Variants in MFN2 observed in about 807,000 individuals in gnomAD.
The protein encoded by MFN2 is mitofusin-2.
MFN2 carries 43 observed loss-of-function variants against 87.5 expected under a neutral mutation model. That is an observed-to-expected ratio of 0.49 (90% CI 0.38 to 0.63). MFN2 has a LOEUF of 0.63. Among genes scored for constraint, MFN2 ranks in the 30% least tolerant of loss-of-function variants. The probability of loss-of-function intolerance (pLI) is 0.00; values close to 1 mark genes in which losing one functional copy is unlikely to be tolerated. For synonymous variants in MFN2, 337 were observed against 359.9 expected (o/e 0.94, Z 0.72); for missense variants, 743 against 972.8 (o/e 0.76, Z 3.14).
intron 2 of MFN2, among the ~76,000 whole-genome samples, chr1:11,986,992 G>A (rs1638439160): frequency 6.6e-6 from 1 of 152,202 alleles, no homozygotes; most frequent in Non-Finnish European, 1.5e-5. Context: ...GTGAGAGCAA[G>A]AGAGACAGTC....
At chr1:12,009,535 C>A in intron 17 of MFN2, 57 bp from the exon 18 acceptor site, 1 of 1,613,152 alleles carries the variant, frequency 6.2e-7, no homozygotes, top group Non-Finnish European at 8.5e-7. Context: ...TGGGCTAAGC[C>A]ACCAGTGGCA....
At position 12,003,110 on chromosome 1, in the gene MFN2, C is replaced by G. The variant is rs966991148; in HGVS notation, c.1161-882C>G. The stretch of plus-strand genomic sequence containing the variant: ...TTTTTTTTTGCTATTGGAAACCCTA[C>G]TGCAGTGGACATTTGTTCATGTGTC... On this transcript the variant is annotated intron_variant, in intron 11 of 18. Transcript: ENST00000235329. This position sits in a 1 kb window ranked among gnomAD's most constrained non-coding sequence, Gnocchi z 4.1. Among the ~76,000 whole-genome samples the G allele has an allele frequency of 4.6e-5, 7 of 152,112 alleles. No individual in the cohort carries two copies. Among genetic ancestry groups the G allele is most frequent in the African/African-American group, 2.4e-5 (1 of 41,434 alleles).
chr1:11,980,874 G>C (rs150836931), intron 1 of MFN2, among the ~76,000 whole-genome samples: 1 of 152,296 alleles, frequency 6.6e-6, no homozygotes, highest in African/African-American at 2.4e-5. Flanking sequence ...CTGCCTTCTC[G>C]TTCAGCCCTG....
chr1:12,011,356 C>A, intron 18 of MFN2, 140 bp from the exon 19 acceptor site: 1 of 897,002 alleles, frequency 1.1e-6, no homozygotes, highest in Non-Finnish European at 1.8e-6. Context: ...TTTTCCCCAT[C>A]TGTGAGACAG....
intron 2 of MFN2, among the ~76,000 whole-genome samples, chr1:11,987,623 C>G (rs556737726): frequency 1.1e-5 from 1 of 88,874 alleles, no homozygotes; most frequent in East Asian, 3.6e-4. Context: ...GAGCAAGACT[C>G]TGTCTCAGAA....
rs766998571 is a variant in MFN2, at chr1:12,004,084, G to A, written c.1253G>A (p.Arg418Gln). The stretch of plus-strand genomic sequence containing the variant: ...CTCTTGGCTCAAGACTATAAGCTGC[G>A]AATTAAGCAGATTACGGAGGAAGTG... ...LELLAQDYKLRIKQITEEVER... is the reference protein window; with the variant it reads ...LELLAQDYKLQIKQITEEVER... The change falls in exon 12 of 19, where the codon CGA (arginine) becomes CAA (glutamine). Residue 418 changes from arginine (R) to glutamine (Q), a missense_variant. Transcript: ENST00000235329. The surrounding 1 kb of genome is among the most constrained non-coding windows in gnomAD (Gnocchi z 4.2). 6.2e-6 allele frequency: 10 copies of A among 1,614,166 alleles called. No homozygotes were observed. The highest frequency in any genetic ancestry group is 2.2e-5 in the East Asian group (1 of 44,886).
At chr1:12,008,337 G>A (rs1310546274) in intron 17 of MFN2, among the ~76,000 whole-genome samples, 7 of 151,564 alleles carry the variant, frequency 4.6e-5, no homozygotes, top group East Asian at 2.0e-4. Context: ...GGGCAGAGGC[G>A]CCCCCCACCT....
chr1:11,989,773 C>A (rs976946527), intron 3 of MFN2, among the ~76,000 whole-genome samples: 1 of 152,162 alleles, frequency 6.6e-6, no homozygotes, highest in Non-Finnish European at 1.5e-5. Flanking sequence ...TGATCCCTGA[C>A]CAGGGCGCCC....
At chr1:12,002,143 G>A (rs370698596) in intron 11 of MFN2, 40 bp downstream of exon 11, 32 of 1,613,716 alleles carry the variant, frequency 2.0e-5, no homozygotes, top group Middle Eastern at 1.6e-4. Flanking sequence ...GAGAGCTGCC[G>A]AGACAAGGGT....
rs138345244 is a variant in MFN2 at position 11,992,558 on chromosome 1, C to T, written c.179C>T (p.Thr60Met). ...CATTTTCAATCCCCACCTCCAGACA[C>T]GTACAGGAATGCAGAACTGGACCCC... is the stretch of plus-strand genomic sequence containing the variant. Reference protein sequence around the residue: ...IQESATFLEDTYRNAELDPVT... With the variant: ...IQESATFLEDMYRNAELDPVT... The change falls in exon 4 of 19, where the codon ACG (threonine) becomes ATG (methionine). Residue 60 changes from threonine to methionine, a missense_variant. Coordinates refer to ENST00000235329, the MANE Select transcript of MFN2 (RefSeq NM_014874.4). The T allele has an allele frequency of 6.0e-5, 97 of 1,614,150 alleles. No individual in the cohort carries two copies. Among genetic ancestry groups the T allele is most frequent in the Non-Finnish European group, 7.0e-5 (83 of 1,180,032 alleles).
chr1:11,993,560 C>A (rs1023316289), intron 4 of MFN2, among the ~76,000 whole-genome samples: 2 of 151,890 alleles, frequency 1.3e-5, no homozygotes, highest in African/African-American at 4.8e-5. Flanking sequence ...ACAGTGAAAC[C>A]CCATCTCTAC....
chr1:11,992,227 C>CA, intron 3 of MFN2: 2 of 349,138 alleles, frequency 5.7e-6, no homozygotes, highest in South Asian at 6.2e-5. Context: ...GTTTGATCCT[C>CA]ACGATGTTCT....
At chr1:11,996,355 C>T in intron 5 of MFN2, 37 bp downstream of exon 5, 1 of 1,612,906 alleles carries the variant, frequency 6.2e-7, no homozygotes, top group Non-Finnish European at 8.5e-7. Context: ...CCTGTGCCTG[C>T]TGGGGGAGCA....
chr1:11,980,453 G>A lies in MFN2; in HGVS notation c.-181G>A, dbSNP rs1569763519. On this transcript the variant is annotated 5_prime_UTR_variant, in exon 1 of 19. The change creates a new upstream start codon in the 5' untranslated region. Coordinates refer to ENST00000235329, the MANE Select transcript of MFN2 (RefSeq NM_014874.4). ...GGCGCTCGCTGGTGACGTAGTGAGT[G>A]TGATGGCCGCCGCGAGGCCGGGAAG... The A allele has an allele frequency of 7.5e-6, 3 of 398,274 alleles. No homozygotes were observed. The highest frequency in any genetic ancestry group is 8.8e-5 in the Admixed American group (2 of 22,734). 24.7% of individuals were successfully genotyped at this position (398,274 alleles called of 1,614,324 possible).
At chr1:11,990,108 A>G (rs1389023669) in intron 3 of MFN2, among the ~76,000 whole-genome samples, 1 of 152,220 alleles carries the variant, frequency 6.6e-6, no homozygotes, top group Non-Finnish European at 1.5e-5. Context: ...GCAGAACCCT[A>G]GAAGTTCAGT....
chr1:11,999,166 C>T (rs953652899), intron 8 of MFN2, 71 bp downstream of exon 8: 1 of 1,210,290 alleles, frequency 8.3e-7, no homozygotes, highest in Non-Finnish European at 1.2e-6. Context: ...GGGGCCACTT[C>T]CTGCACCCCT....
At chr1:12,005,566 G>A (rs1639369742) in intron 14 of MFN2, 145 bp from the exon 15 acceptor site, 9 of 864,986 alleles carry the variant, frequency 1.0e-5, no homozygotes, top group East Asian at 4.8e-5. Context: ...TCAGTCTCAC[G>A]GGCCAACTTG....
At chr1:12,008,598 C>CTT (rs1639541945) in intron 17 of MFN2, among the ~76,000 whole-genome samples, 1 of 151,884 alleles carries the variant, frequency 6.6e-6, no homozygotes, top group African/African-American at 2.4e-5. Context: ...ACGCTCCTCA[C>CTT]CTCCTAGACG....
intron 16 of MFN2, 143 bp downstream of exon 16, chr1:12,006,836 C>A: frequency 7.5e-7 from 1 of 1,335,662 alleles, no homozygotes; most frequent in Non-Finnish European, 1.1e-6. Context: ...GCATGGGGAG[C>A]GCTTACTCCC....
Sources: allele counts gnomAD v4.1 joint callset (sites outside exome capture counted in the v4.1 genomes callset), GRCh38; gene constraint gnomAD v4.1.1; non-coding constraint Gnocchi (gnomAD v3.1); transcripts MANE v1.5; gene names NCBI Gene and HGNC (gene_info 2026-07-23, HGNC 2026-07-21).